Variants in COL6A6 observed in about 807,000 individuals in gnomAD.
The protein encoded by COL6A6 is collagen type VI alpha 6 chain.
COL6A6 carries 183 observed loss-of-function variants against 208.6 expected under a neutral mutation model. That is an observed-to-expected ratio of 0.88 (90% CI 0.78 to 0.99). The LOEUF is 0.99. Ranked by LOEUF, COL6A6 falls within the 50% of genes least tolerant of loss-of-function variation. COL6A6 has a pLI of 0.00. For synonymous variants in COL6A6, 973 were observed against 1,011.8 expected (o/e 0.96, Z 0.73); for missense variants, 2,816 against 2,815.2 (o/e 1.00, Z -0.01).
chr3:130,593,039 C>G, intron 15 of COL6A6, 22 bp from the exon 16 acceptor site: 1 of 1,609,054 alleles, frequency 6.2e-7, no homozygotes, highest in Non-Finnish European at 8.5e-7. Context: ...GTACTCTGTT[C>G]TAATCATATC....
intron 2 of COL6A6, among the ~76,000 whole-genome samples, chr3:130,561,641 T>A (rs1366064240): frequency 6.0e-4 from 46 of 76,566 alleles, no homozygotes; most frequent in African/African-American, 2.0e-3. Flanking sequence ...CTACTTTTTT[T>A]TTTTTTTTTT....
intron 32 of COL6A6, among the ~76,000 whole-genome samples, chr3:130,647,884 C>T (rs1488897474): frequency 3.3e-5 from 5 of 152,222 alleles, no homozygotes; most frequent in African/African-American, 7.2e-5. Context: ...AGGCATCTCA[C>T]GTATTATTAA....
intron 1 of COL6A6, among the ~76,000 whole-genome samples, chr3:130,520,062 G>A (rs1227893514): frequency 6.6e-6 from 1 of 152,132 alleles, no homozygotes; most frequent in African/African-American, 2.4e-5. Flanking sequence ...GAGGATTGTG[G>A]CTGTTTTGCT....
intron 13 of COL6A6, among the ~76,000 whole-genome samples, chr3:130,592,180 A>G (rs1454222868): frequency 1.3e-4 from 8 of 62,296 alleles, no homozygotes; most frequent in African/African-American, 5.6e-4. Flanking sequence ...AACATTACAG[A>G]TGATGATAAG....
chr3:130,664,205 C>T (rs2066014215), intron 35 of COL6A6, among the ~76,000 whole-genome samples: 1 of 152,168 alleles, frequency 6.6e-6, no homozygotes, highest in African/African-American at 2.4e-5. Context: ...GCTGACAAAC[C>T]ATCTGATACT....
intron 26 of COL6A6, among the ~76,000 whole-genome samples, chr3:130,633,987 G>A (rs2065019664): frequency 2.2e-5 from 1 of 44,514 alleles, no homozygotes; most frequent in Non-Finnish European, 3.2e-5. Context: ...CACCAGCATG[G>A]CACATGTATA....
At position 130,589,063 on chromosome 3, in the gene COL6A6, G is replaced by T. The variant is rs889932147; in HGVS notation, c.4126-27G>T. ...GATTTGGGAAGCAATACCACCAAAT[G>T]TAATGTATTTCTTACCCTCTCCCAA... On this transcript the variant is annotated intron_variant, in intron 11 of 36. Coordinates refer to ENST00000358511, the MANE Select transcript of COL6A6 (RefSeq NM_001102608.3). 5 of 1,575,708 alleles carry T rather than the reference G, an allele frequency of 3.2e-6. No individual in the cohort carries two copies. The African/African-American group carries it at 6.7e-5, about 21-fold the overall frequency.
rs2064967744 is a variant in COL6A6 at position 130,628,754 on chromosome 3, AG to A, written c.4992+1386del. On this transcript the variant is annotated intron_variant, in intron 26 of 36. Transcript: ENST00000358511. Reference sequence around the variant, plus strand: ...GTGTCGAAGATGGCCGAATAGGAACAGCTCCGGTCTACAGCTCCCTGCGTGA... The same window carrying A: ...GTGTCGAAGATGGCCGAATAGGAACACTCCGGTCTACAGCTCCCTGCGTGA... Among the ~76,000 whole-genome samples the A allele has an allele frequency of 1.4e-4, 9 of 65,368 alleles. No homozygotes were observed. The South Asian group carries it at 2.7e-3, about 19-fold the overall frequency. 42.9% of individuals were successfully genotyped at this position (65,368 alleles called of 152,430 possible).
chr3:130,518,417 CACTT>C (rs1710866096), intron 1 of COL6A6, among the ~76,000 whole-genome samples: 4 of 152,172 alleles, frequency 2.6e-5, no homozygotes, highest in African/African-American at 4.8e-5. Flanking sequence ...TAGAGGAAGT[CACTT>C]ACATAAAAAT....
rs925099644 is a variant in COL6A6, at chr3:130,615,870, A to G, written c.4815+5159A>G. Among the ~76,000 whole-genome samples the G allele has an allele frequency of 2.0e-5, 3 of 152,316 alleles. No homozygotes were observed. The East Asian group carries it at 5.8e-4, about 29-fold the overall frequency. ...CTGGCTGTGCAGAGCACGTCTGTGA[A>G]TGAGTACCCTTTAATCTTGCTTTGG... On this transcript the variant is annotated intron_variant, in intron 23 of 36. Transcript: ENST00000358511.
At position 130,528,319 on chromosome 3, in the gene COL6A6, G is replaced by A. The variant is rs564290296; in HGVS notation, c.-32+10922G>A. ...ACTTTGATGGGTATGCAGATCACCTGGGGACCTTGTTAAATTGTTATTCTA... is the reference window on the plus strand; with the variant it reads ...ACTTTGATGGGTATGCAGATCACCTAGGGACCTTGTTAAATTGTTATTCTA... On this transcript the variant is annotated intron_variant, in intron 1 of 36. Transcript: ENST00000358511. 5.3e-5 allele frequency among the ~76,000 whole-genome samples: 8 copies of A among 152,276 alleles called. No homozygotes were observed. In the South Asian group the frequency reaches 1.7e-3, roughly 32 times the overall value.
intron 31 of COL6A6, among the ~76,000 whole-genome samples, chr3:130,644,035 A>G (rs1489205132): frequency 6.6e-6 from 1 of 152,224 alleles, no homozygotes; most frequent in African/African-American, 2.4e-5. Context: ...GGGCAAATCC[A>G]AGTATATTGA....
At chr3:130,589,929 A>G (rs1369864226) in intron 12 of COL6A6, 1 of 441,632 alleles carries the variant, frequency 2.3e-6, no homozygotes, top group Admixed American at 2.4e-5. Context: ...GTCTCTGAAT[A>G]TGTCTCTGAA....
chr3:130,557,009 CTG>C (rs1175389213), intron 1 of COL6A6, among the ~76,000 whole-genome samples: 1 of 152,176 alleles, frequency 6.6e-6, no homozygotes, highest in Non-Finnish European at 1.5e-5. Flanking sequence ...GGTCAGAAAA[CTG>C]TTAAGGTGTG....
At chr3:130,518,894 G>A (rs1398433503) in intron 1 of COL6A6, among the ~76,000 whole-genome samples, 1 of 152,188 alleles carries the variant, frequency 6.6e-6, no homozygotes, top group Non-Finnish European at 1.5e-5. Context: ...GTTGTGCCAT[G>A]TGAAATCAAA....
At chr3:130,666,173 A>G (rs537201338) in intron 36 of COL6A6, among the ~76,000 whole-genome samples, 2 of 152,332 alleles carry the variant, frequency 1.3e-5, no homozygotes, top group South Asian at 2.1e-4. Context: ...ATGAGACAAA[A>G]TGGTCAAATG....
At chr3:130,527,670 A>G (rs923378320) in intron 1 of COL6A6, among the ~76,000 whole-genome samples, 1 of 152,252 alleles carries the variant, frequency 6.6e-6, no homozygotes, top group African/African-American at 2.4e-5. Context: ...CATTTAATGA[A>G]CAGCTGGTAA....
chr3:130,536,933 A>G (rs1312131083), intron 1 of COL6A6, among the ~76,000 whole-genome samples: 1 of 152,208 alleles, frequency 6.6e-6, no homozygotes, highest in Non-Finnish European at 1.5e-5. Context: ...TTAAGGTGGA[A>G]GTAAAAAAGG....
intron 1 of COL6A6, among the ~76,000 whole-genome samples, chr3:130,531,462 C>T (rs2062093749): frequency 1.3e-5 from 2 of 152,210 alleles, no homozygotes; most frequent in African/African-American, 2.4e-5. Context: ...GCTCTTCCCC[C>T]TAGTTCACTC....
Sources: gnomAD v4.1 joint callset for allele counts (sites outside exome capture counted in the v4.1 genomes callset) on GRCh38, gnomAD v4.1.1 for gene constraint, MANE v1.5 for transcripts, NCBI Gene and HGNC (gene_info 2026-07-23, HGNC 2026-07-21) for gene names.